Variants in KCNU1 observed in about 807,000 individuals in gnomAD.
KCNU1 encodes potassium calcium-activated channel subfamily U member 1.
KCNU1 carries 93 observed loss-of-function variants against 126.8 expected under a neutral mutation model. That is an observed-to-expected ratio of 0.73 (90% CI 0.62 to 0.87). The LOEUF (loss-of-function observed/expected upper bound fraction) is 0.87. Ranked by LOEUF, KCNU1 falls within the 40% of genes least tolerant of loss-of-function variation. KCNU1 has a pLI of 0.00. For synonymous variants in KCNU1, 523 were observed against 494.2 expected (o/e 1.06, Z -0.77); for missense variants, 1,330 against 1,367.1 (o/e 0.97, Z 0.43).
chr8:36,860,621 A>G (rs929681618), intron 18 of KCNU1, among the ~76,000 whole-genome samples: 1 of 152,206 alleles, frequency 6.6e-6, no homozygotes, highest in Non-Finnish European at 1.5e-5. Context: ...GAATCTTTAC[A>G]TGTGATAGAG....
chr8:36,837,043 C>A, intron 14 of KCNU1, 98 bp downstream of exon 14: 1 of 1,146,494 alleles, frequency 8.7e-7, no homozygotes, highest in Non-Finnish European at 1.3e-6. Context: ...CATCAAGGCC[C>A]CAAGCAATGA....
At chr8:36,811,197 A>G (rs1803696634) in intron 7 of KCNU1, among the ~76,000 whole-genome samples, 1 of 152,196 alleles carries the variant, frequency 6.6e-6, no homozygotes, top group South Asian at 2.1e-4. Context: ...AAATATCATT[A>G]GGGTATTACA....
intron 16 of KCNU1, among the ~76,000 whole-genome samples, chr8:36,842,326 A>G (rs369078639): frequency 6.2e-4 from 95 of 152,336 alleles, no homozygotes; most frequent in African/African-American, 2.2e-3. Context: ...AGCATCAAAG[A>G]CCTGTCTGAG....
Position 36,927,350 on chromosome 8 carries a change from T to C in KCNU1, c.2737-3601T>C, listed in dbSNP as rs187017986. Among the ~76,000 whole-genome samples the C allele has an allele frequency of 4.3e-3, 651 of 152,254 alleles. 6 individuals carry two copies. Among genetic ancestry groups the C allele is most frequent in the African/African-American group, 0.015 (617 of 41,536 alleles). ...GCTGAAGAAATATTCCTATAGGATA[T>C]AATTCAGATTTGCCTTTAATCCTCT... On this transcript the variant is annotated intron_variant, in intron 24 of 26. Transcript: ENST00000399881.
chr8:36,836,178 A>T, intron 12 of KCNU1, 118 bp from the exon 13 acceptor site: 3 of 639,936 alleles, frequency 4.7e-6, no homozygotes, highest in Non-Finnish European at 8.2e-6. Context: ...AATAAACTTT[A>T]TTATATGCCA....
At chr8:36,816,930 C>A (rs536012284) in intron 9 of KCNU1, among the ~76,000 whole-genome samples, 338 of 145,438 alleles carry the variant, frequency 2.3e-3, no homozygotes, top group Non-Finnish European at 3.7e-3. Flanking sequence ...TTTTCTGCTC[C>A]TCAAGAAAAA....
chr8:36,899,730 A>G (rs1340878584), intron 19 of KCNU1, among the ~76,000 whole-genome samples: 1 of 152,124 alleles, frequency 6.6e-6, no homozygotes, highest in African/African-American at 2.4e-5. Context: ...TCCATTAAAC[A>G]TCAGCAGAAC....
chr8:36,897,434 G>T (rs910262805), intron 19 of KCNU1, among the ~76,000 whole-genome samples: 1 of 151,854 alleles, frequency 6.6e-6, no homozygotes, highest in Non-Finnish European at 1.5e-5. Context: ...ATAAGAAGTG[G>T]AACATCTAAA....
chr8:36,855,105 A>T (rs1805484649), intron 18 of KCNU1, among the ~76,000 whole-genome samples: 1 of 152,144 alleles, frequency 6.6e-6, no homozygotes, highest in Admixed American at 6.6e-5. Flanking sequence ...AAGGTCAGTT[A>T]GAGATGAGAG....
chr8:36,893,328 T>G (rs146548180), intron 19 of KCNU1, among the ~76,000 whole-genome samples: 49 of 115,982 alleles, frequency 4.2e-4, no homozygotes, highest in African/African-American at 1.5e-3. Context: ...TTTATGGGTC[T>G]TTTTTTTTTT....
chr8:36,835,080 G>C (rs766992884), intron 12 of KCNU1, among the ~76,000 whole-genome samples: 9 of 152,228 alleles, frequency 5.9e-5, no homozygotes, highest in Non-Finnish European at 1.2e-4. Context: ...GTGTGAATGT[G>C]CTTCTCCATA....
rs550837353 is a variant in KCNU1 at position 36,860,979 on chromosome 8, A to G, written c.1892-3425A>G. Among the ~76,000 whole-genome samples, 236 of 152,022 alleles carry G rather than the reference A, an allele frequency of 1.6e-3. 1 individual carries two copies. The highest frequency in any genetic ancestry group is 2.4e-3 in the Non-Finnish European group (161 of 67,978). Reference sequence around the variant, plus strand: ...TTTTAAGGAGGAATGACCCCAGCCAACGTTTCCTAGGGAGGAGAACTCTAA... The same window carrying G: ...TTTTAAGGAGGAATGACCCCAGCCAGCGTTTCCTAGGGAGGAGAACTCTAA... On this transcript the variant is annotated intron_variant, in intron 18 of 26. Transcript: ENST00000399881.
chr8:36,860,802 C>T (rs972707207), intron 18 of KCNU1, among the ~76,000 whole-genome samples: 3 of 151,356 alleles, frequency 2.0e-5, no homozygotes, highest in Admixed American at 6.6e-5. Context: ...AAAGAGGGTG[C>T]AAAAACAGTT....
At chr8:36,818,263 G>T (rs1258643986) in intron 10 of KCNU1, among the ~76,000 whole-genome samples, 2 of 152,080 alleles carry the variant, frequency 1.3e-5, no homozygotes, top group African/African-American at 4.8e-5. Context: ...TACACAAAAT[G>T]ATTTCTTATA....
intron 22 of KCNU1, among the ~76,000 whole-genome samples, chr8:36,912,710 G>A (rs1037277463): frequency 3.9e-5 from 6 of 151,996 alleles, no homozygotes; most frequent in Admixed American, 2.6e-4. Context: ...GGTGGCTCAC[G>A]CCTGTAATCC....
rs1808830661 is a variant in KCNU1, at chr8:36,935,660, C to G, written c.3190C>G (p.Gln1064Glu). The G allele has an allele frequency of 8.7e-6, 14 of 1,613,450 alleles. No individual in the cohort carries two copies. The highest frequency in any genetic ancestry group is 1.2e-5 in the Non-Finnish European group (14 of 1,179,552). Residue 1064 changes from glutamine to glutamate, a missense_variant, in exon 27 of 27, where the codon CAG (glutamine) becomes GAG (glutamate). By Grantham distance (29) the Gln-to-Glu change is conservative (BLOSUM62 2). This residue lies in a region of KCNU1 where 1,054 missense variants were observed against 1,053.9 expected (regional missense o/e 1.00). Transcript: ENST00000399881. Reference sequence around the variant, plus strand: ...ATATGAAATTGTAAATAAAGCATCACAGACAACAGAGACACATTCAGACAC... The same window carrying G: ...ATATGAAATTGTAAATAAAGCATCAGAGACAACAGAGACACATTCAGACAC... ...KSYEIVNKAS[Q>E]TTETHSDTNC...
chr8:36,833,710 T>A, intron 11 of KCNU1, 51 bp downstream of exon 11: 3 of 1,033,468 alleles, frequency 2.9e-6, no homozygotes, highest in Admixed American at 3.5e-5. Context: ...TTGCAACAAT[T>A]AAAATAATAG....
At chr8:36,854,554 C>T (rs1438580328) in intron 18 of KCNU1, among the ~76,000 whole-genome samples, 1 of 151,174 alleles carries the variant, frequency 6.6e-6, no homozygotes, top group African/African-American at 2.4e-5. Flanking sequence ...CTTTGAACTC[C>T]AAGATTTCTA....
Position 36,829,572 on chromosome 8 carries a change from AT to A in KCNU1, c.1107-3973del, listed in dbSNP as rs143426884. Among the ~76,000 whole-genome samples, 635 of 149,796 alleles carry A rather than the reference AT, an allele frequency of 4.2e-3. 5 individuals are homozygous for A. The highest frequency in any genetic ancestry group is 0.014 in the African/African-American group (577 of 41,066). On this transcript the variant is annotated intron_variant, in intron 10 of 26. Transcript: ENST00000399881. ...CCTAGAGCAAGTCTTTTTACCTTTT[AT>A]TTTTTTTTATAGTTGACAAGCTTTA...
Sources: allele counts gnomAD v4.1 joint callset (sites outside exome capture counted in the v4.1 genomes callset), GRCh38; gene constraint gnomAD v4.1.1; regional missense constraint gnomAD v4.1.1; transcripts MANE v1.5; gene names NCBI Gene and HGNC (gene_info 2026-07-23, HGNC 2026-07-21).